MAST2: variants seen among roughly 807,000 people sequenced by gnomAD.
MAST2 encodes the protein microtubule associated serine/threonine kinase 2.
In MAST2, 70 loss-of-function variants were observed where a neutral mutation model predicts 147.4. That is an observed-to-expected ratio of 0.47 (90% CI 0.39 to 0.58). MAST2 has a LOEUF of 0.58. Ranked by LOEUF, MAST2 falls within the 20% of genes least tolerant of loss-of-function variation. The pLI is 0.00. For synonymous variants in MAST2, 869 were observed against 896.8 expected (o/e 0.97, Z 0.55); for missense variants, 2,080 against 2,302.3 (o/e 0.90, Z 1.98).
rs1247470827 is a variant in MAST2 at position 45,803,626 on chromosome 1, G to C, written c.-270G>C. 16 of 231,984 alleles carry C rather than the reference G, an allele frequency of 6.9e-5. No homozygotes were observed. Among genetic ancestry groups the C allele is most frequent in the Non-Finnish European group, 4.1e-5 (5 of 121,124 alleles). 14.4% of individuals were successfully genotyped at this position (231,984 alleles called of 1,614,324 possible). A position where few individuals can be genotyped will look rare whatever the true frequency, so the allele number is the denominator to read the frequency against. The stretch of plus-strand genomic sequence containing the variant: ...GAAGGCTGGCTGTAGGCAGGCGGCT[G>C]AGCCGGCGGCGGGTGGCCTGCCCAA... On this transcript the variant is annotated 5_prime_UTR_variant, in exon 1 of 29. Transcript: ENST00000361297.
At chr1:46,028,337 C>T (rs893123354) in intron 17 of MAST2, among the ~76,000 whole-genome samples, 4 of 152,214 alleles carry the variant, frequency 2.6e-5, no homozygotes, top group Non-Finnish European at 5.9e-5. Flanking sequence ...GTTCTTGGAA[C>T]ACAGCTCTGA....
At chr1:45,980,275 CAAAAAAAAAA>C (rs35235290) in intron 5 of MAST2, among the ~76,000 whole-genome samples, 6 of 84,030 alleles carry the variant, frequency 7.1e-5, no homozygotes, top group East Asian at 3.8e-4. Context: ...ACTGTGTTTC[CAAAAAAAAAA>C]AAAAAAAAAA....
At chr1:45,987,248 C>CT (rs922734066) in intron 5 of MAST2, among the ~76,000 whole-genome samples, 9 of 151,286 alleles carry the variant, frequency 5.9e-5, no homozygotes, top group Middle Eastern at 6.8e-3. Flanking sequence ...TCTATTTTGT[C>CT]TTTTTTTTTC....
At chr1:45,816,865 G>A (rs1644471164) in intron 1 of MAST2, among the ~76,000 whole-genome samples, 1 of 152,020 alleles carries the variant, frequency 6.6e-6, no homozygotes, top group South Asian at 2.1e-4. Context: ...TTTTAGTAGA[G>A]ACGGGGTTTC....
rs771788500 is a variant in MAST2, at chr1:45,817,439, T to C, written c.178-6994T>C. Among the ~76,000 whole-genome samples, 46 of 152,306 alleles carry C rather than the reference T, an allele frequency of 3.0e-4. 1 individual carries two copies. The Middle Eastern group carries it at 0.034, about 113-fold the overall frequency. On this transcript the variant is annotated intron_variant, in intron 1 of 28. Coordinates refer to ENST00000361297, the MANE Select transcript of MAST2 (RefSeq NM_015112.3). ...GAGAGGCATGACATATTTAAAGTGC[T>C]GAAGGAAAAAACTTCTACCCTAGAA...
chr1:45,958,524 C>G (rs1459498699), intron 4 of MAST2, among the ~76,000 whole-genome samples: 1 of 150,676 alleles, frequency 6.6e-6, no homozygotes, highest in Non-Finnish European at 1.5e-5. Flanking sequence ...CTCCCTCTCT[C>G]TCTCTCTCCC....
chr1:45,861,433 T>C (rs1645978320), intron 3 of MAST2, among the ~76,000 whole-genome samples: 1 of 152,036 alleles, frequency 6.6e-6, no homozygotes, highest in African/African-American at 2.4e-5. Flanking sequence ...TTTTTACTCA[T>C]CTCAAATTTG....
chr1:45,958,153 G>T (rs1659910624), intron 4 of MAST2, among the ~76,000 whole-genome samples: 2 of 152,062 alleles, frequency 1.3e-5, no homozygotes, highest in South Asian at 4.1e-4. Flanking sequence ...GATTCCTCCT[G>T]ATGGTTTCTT....
intron 10 of MAST2, among the ~76,000 whole-genome samples, chr1:46,019,213 C>G (rs1033839882): frequency 6.6e-6 from 1 of 152,160 alleles, no homozygotes; most frequent in Non-Finnish European, 1.5e-5. Context: ...GAAGTACTTT[C>G]TGGTCATATG....
intron 3 of MAST2, among the ~76,000 whole-genome samples, chr1:45,857,436 T>C (rs1194888088): frequency 6.6e-6 from 1 of 152,234 alleles, no homozygotes; most frequent in Admixed American, 6.5e-5. Context: ...TTTACTTGAT[T>C]GATTGACTCT....
Position 46,030,753 on chromosome 1 carries a change from C to A in MAST2, c.2700C>A (p.Ser900=), listed in dbSNP as rs1646624422. 1.3e-6 allele frequency: 2 copies of A among 1,579,542 alleles called. No individual in the cohort carries two copies. Among genetic ancestry groups the A allele is most frequent in the African/African-American group, 1.4e-5 (1 of 73,534 alleles). The change falls in exon 22 of 29, where the codon TCC becomes TCA. Residue 900 remains serine (S), a synonymous_variant. Transcript: ENST00000361297. Reference sequence around the variant, plus strand: ...GAGACCGGAGCTGGGTGATTGGCTCCCCTGAGATGTGAGCACCCAGAGTTC... The same window carrying A: ...GAGACCGGAGCTGGGTGATTGGCTCACCTGAGATGTGAGCACCCAGAGTTC... ...KGRDRSWVIG[S]PEILRKRLSV...
chr1:45,879,918 ATGTAGAGTAG>A (rs1646771345), intron 3 of MAST2, among the ~76,000 whole-genome samples: 1 of 152,226 alleles, frequency 6.6e-6, no homozygotes. Flanking sequence ...ATTGGCATGA[ATGTAGAGTAG>A]TTCGAACTTT....
At chr1:45,935,591 G>A (rs1656071011) in intron 4 of MAST2, among the ~76,000 whole-genome samples, 1 of 152,180 alleles carries the variant, frequency 6.6e-6, no homozygotes, top group African/African-American at 2.4e-5. Context: ...AAGGGGTCTA[G>A]TTTCAACATT....
intron 3 of MAST2, among the ~76,000 whole-genome samples, chr1:45,857,850 G>GTTTTTTTTTTTTTTTTTT (rs35371770): frequency 1.5e-5 from 1 of 66,572 alleles, no homozygotes; most frequent in African/African-American, 5.9e-5. Context: ...AACATGCGGT[G>GTTTTTTTTTTTTTTTTTT]TTTTTTTTTT....
At chr1:45,856,545 A>G (rs542829719) in intron 3 of MAST2, among the ~76,000 whole-genome samples, 4 of 152,318 alleles carry the variant, frequency 2.6e-5, no homozygotes, top group Admixed American at 2.6e-4. Flanking sequence ...TGTTTTACTA[A>G]CAAGACACTT....
At chr1:45,810,089 G>T (rs1225090372) in intron 1 of MAST2, among the ~76,000 whole-genome samples, 1 of 152,184 alleles carries the variant, frequency 6.6e-6, no homozygotes, top group Admixed American at 6.5e-5. Context: ...ACAATGCAGA[G>T]CTAAAGGCTT....
At chr1:46,028,984 A>G (rs1206867810) in intron 18 of MAST2, 51 bp downstream of exon 18, 2 of 1,516,240 alleles carry the variant, frequency 1.3e-6, no homozygotes, top group Admixed American at 4.5e-5. Flanking sequence ...GAATCCACAA[A>G]TATGATGTAT....
intron 5 of MAST2, among the ~76,000 whole-genome samples, chr1:45,989,850 A>C (rs774839489): frequency 9.9e-5 from 15 of 152,136 alleles, no homozygotes; most frequent in Non-Finnish European, 2.2e-4. Context: ...TAGCCTTTCA[A>C]ATTAGTTTCT....
chr1:45,913,617 T>C, intron 4 of MAST2: 1 of 998,630 alleles, frequency 1.0e-6, no homozygotes, highest in Non-Finnish European at 1.2e-6. Context: ...CTTGTCACTG[T>C]CCCACTGCTG....
Sources: gnomAD v4.1 joint callset for allele counts (sites outside exome capture counted in the v4.1 genomes callset) on GRCh38, gnomAD v4.1.1 for gene constraint, MANE v1.5 for transcripts, NCBI Gene and HGNC (gene_info 2026-07-23, HGNC 2026-07-21) for gene names.